NDUFA10: variants seen among roughly 807,000 people sequenced by gnomAD.
NDUFA10 encodes the protein NADH dehydrogenase [ubiquinone] 1 alpha subcomplex subunit 10, mitochondrial.
NDUFA10 carries 40 observed loss-of-function variants against 47.8 expected under a neutral mutation model. The observed-to-expected ratio is 0.84, with a 90% CI of 0.65 to 1.09. The LOEUF (loss-of-function observed/expected upper bound fraction) is 1.09. Ranked by LOEUF, NDUFA10 falls within the 50% of genes least tolerant of loss-of-function variation. The pLI is 0.00. For synonymous variants in NDUFA10, 183 were observed against 172.2 expected, an observed-to-expected ratio of 1.06 and a Z score of -0.49; for missense variants, 413 against 451.1, an observed-to-expected ratio of 0.92 and a Z score of 0.76.
chr2:239,930,455 G>A lies in NDUFA10; in HGVS notation c.295-35141C>T, dbSNP rs372451977. Among the ~76,000 whole-genome samples, 4 of 151,586 alleles carry A rather than the reference G, an allele frequency of 2.6e-5. No homozygotes were observed. In the East Asian group the frequency reaches 7.8e-4, roughly 30 times the overall value. ...TGGATCCCGTCCTGATCGCCACTTC[G>A]CCGAGAGAAATGACCAGGTCACACC... On this transcript the variant is annotated intron_variant, in intron 4 of 5. Coordinates refer to the NDUFA10 transcript ENST00000419408.
At chr2:239,982,311 T>G in intron 9 of NDUFA10, 1 of 1,542,682 alleles carries the variant, frequency 6.5e-7, no homozygotes, top group Non-Finnish European at 8.8e-7. Flanking sequence ...GCAATTTTCA[T>G]AAAGCAAAAC....
chr2:239,986,567 A>G (rs1418566884), intron 9 of NDUFA10, among the ~76,000 whole-genome samples: 1 of 152,244 alleles, frequency 6.6e-6, no homozygotes. Context: ...ATGTATCTGA[A>G]TAAACAGGAA....
chr2:239,941,386 T>C (rs1425043433), intron 4 of NDUFA10, among the ~76,000 whole-genome samples: 3 of 152,106 alleles, frequency 2.0e-5, no homozygotes, highest in Non-Finnish European at 4.4e-5. Context: ...GGCACAGAAC[T>C]GCGGCTGTTC....
chr2:240,009,930 C>G (rs1697077430), intron 6 of NDUFA10, among the ~76,000 whole-genome samples: 1 of 152,180 alleles, frequency 6.6e-6, no homozygotes, highest in African/African-American at 2.4e-5. Flanking sequence ...TGGAAAATAA[C>G]TCCTGAATTC....
At chr2:240,021,152 A>G in intron 3 of NDUFA10, 45 bp downstream of exon 3, 1 of 1,522,612 alleles carries the variant, frequency 6.6e-7, no homozygotes, top group Non-Finnish European at 9.1e-7. Context: ...ATTCTAGAAT[A>G]GTGTTCAAGT....
intron 4 of NDUFA10, among the ~76,000 whole-genome samples, chr2:239,948,676 G>A (rs1694497990): frequency 6.6e-6 from 1 of 152,234 alleles, no homozygotes; most frequent in Admixed American, 6.5e-5. Flanking sequence ...ACTAGGGATT[G>A]CAAAGGTGGC....
intron 4 of NDUFA10, among the ~76,000 whole-genome samples, chr2:239,920,602 C>T (rs1010878428): frequency 1.3e-5 from 2 of 152,198 alleles, no homozygotes; most frequent in Non-Finnish European, 2.9e-5. Flanking sequence ...GCTGTGTCTC[C>T]GTCTCCTTAA....
chr2:239,944,408 G>A (rs1044710249), intron 4 of NDUFA10, among the ~76,000 whole-genome samples: 1 of 152,148 alleles, frequency 6.6e-6, no homozygotes, highest in South Asian at 2.1e-4. Context: ...TCTCTGGCTC[G>A]GACCTCTGGT....
chr2:239,935,576 T>C (rs1694251992), intron 4 of NDUFA10, among the ~76,000 whole-genome samples: 1 of 152,198 alleles, frequency 6.6e-6, no homozygotes, highest in Admixed American at 6.5e-5. Flanking sequence ...ATAACGATAG[T>C]GATGACATGG....
At chr2:239,942,661 C>T (rs970906101) in intron 4 of NDUFA10, among the ~76,000 whole-genome samples, 2 of 151,902 alleles carry the variant, frequency 1.3e-5, no homozygotes, top group Admixed American at 6.6e-5. Context: ...CTCTGCCTTC[C>T]GCATGTTTAT....
At chr2:239,937,729 G>A (rs1694288449) in intron 4 of NDUFA10, among the ~76,000 whole-genome samples, 1 of 152,108 alleles carries the variant, frequency 6.6e-6, no homozygotes, top group East Asian at 1.9e-4. Context: ...TATTTTTTGA[G>A]GAACCACCAA....
At chr2:239,990,233 A>G (rs758037411) in intron 8 of NDUFA10, 51 bp from the exon 9 acceptor site, 22 of 1,438,640 alleles carry the variant, frequency 1.5e-5, no homozygotes, top group Non-Finnish European at 2.0e-6. Context: ...AATAAATACA[A>G]TAAAAGAAGT....
At chr2:240,011,987 G>T in intron 5 of NDUFA10, 1 of 407,320 alleles carries the variant, frequency 2.5e-6, no homozygotes, top group African/African-American at 2.0e-5. Flanking sequence ...AAGCAGCACT[G>T]CCTGTCTTTC....
At chr2:239,963,935 TA>T (rs1694957329) in intron 9 of NDUFA10, among the ~76,000 whole-genome samples, 1 of 152,110 alleles carries the variant, frequency 6.6e-6, no homozygotes, top group Admixed American at 6.5e-5. Flanking sequence ...AGATGGCCAC[TA>T]GCTCTGCACG....
rs1178014396 is a variant in NDUFA10 at position 239,945,207 on chromosome 2, C to A, written c.294+44867G>T. On this transcript the variant is annotated intron_variant, in intron 4 of 5. Coordinates refer to the NDUFA10 transcript ENST00000419408. The surrounding 1 kb of genome is among the most constrained non-coding windows in gnomAD (Gnocchi z 4.6). The stretch of plus-strand genomic sequence containing the variant: ...GGAAATGACAAGCCACTTCTCAGGT[C>A]ACCGGCAGGCGTTGAGCAGGCCGCT... Among the ~76,000 whole-genome samples the A allele has an allele frequency of 1.3e-5, 2 of 152,236 alleles. No homozygotes were observed. Among genetic ancestry groups the A allele is most frequent in the African/African-American group, 2.4e-5 (1 of 41,476 alleles).
At position 239,996,968 on chromosome 2, in the gene NDUFA10, CAAT is replaced by C. The variant is rs540777708; in HGVS notation, c.891-6789_891-6787del. ...GTATAATACCTAATGCAATGTAATACAATAATATAGTATTATAATATCTAATAC... is the reference window on the plus strand; with the variant it reads ...GTATAATACCTAATGCAATGTAATACAATATAGTATTATAATATCTAATAC... On this transcript the variant is annotated intron_variant, in intron 8 of 9. Transcript: ENST00000252711. Among the ~76,000 whole-genome samples, 217 of 152,002 alleles carry C rather than the reference CAAT, an allele frequency of 1.4e-3. 1 individual carries two copies. The highest frequency in any genetic ancestry group is 2.2e-3 in the Non-Finnish European group (152 of 67,962).
At chr2:239,909,084 G>A (rs997494149) in intron 4 of NDUFA10, among the ~76,000 whole-genome samples, 5 of 152,068 alleles carry the variant, frequency 3.3e-5, no homozygotes, top group African/African-American at 7.2e-5. Flanking sequence ...CTCCTCCAGC[G>A]CCTCCCAAAG....
chr2:240,014,333 GA>G, intron 5 of NDUFA10: 3 of 316,294 alleles, frequency 9.5e-6, no homozygotes, highest in Non-Finnish European at 1.2e-5. Context: ...GCGTTAAATA[GA>G]TTGAAGTGAT....
chr2:239,994,293 TC>T (rs545849634), intron 8 of NDUFA10, among the ~76,000 whole-genome samples: 217 of 152,114 alleles, frequency 1.4e-3, no homozygotes, highest in African/African-American at 5.0e-3. Context: ...TATAGCCGAT[TC>T]CCCTGCTCGC....
Sources: allele counts gnomAD v4.1 joint callset (sites outside exome capture counted in the v4.1 genomes callset), GRCh38; gene constraint gnomAD v4.1.1; non-coding constraint Gnocchi (gnomAD v3.1); transcripts MANE v1.5; gene names NCBI Gene and HGNC (gene_info 2026-07-23, HGNC 2026-07-21).